Variants in OPHN1 observed in about 807,000 individuals in gnomAD.
OPHN1 encodes oligophrenin-1.
Under a neutral mutation model 60.7 loss-of-function variants are expected in OPHN1, and 11 were observed. The observed-to-expected ratio is 0.18, with a 90% CI of 0.11 to 0.30. OPHN1 has a LOEUF of 0.30. OPHN1 is among the 10% of genes least tolerant of loss of function. The probability of loss-of-function intolerance (pLI) is 1.00; values close to 1 mark genes in which losing one functional copy is unlikely to be tolerated. For missense variants in OPHN1, 449 were observed against 611.0 expected (o/e 0.73, Z 2.80); for synonymous variants, 226 against 222.6 (o/e 1.02, Z -0.14).
At chrX:68,160,325 A>G (rs928060211) in intron 15 of OPHN1, among the ~76,000 whole-genome samples, 4 of 111,534 alleles carry the variant, frequency 3.6e-5, no homozygotes, top group Admixed American at 9.6e-5. Context: ...TAATTCCACA[A>G]TAATAGTTGC....
chrX:68,221,461 G>A (rs1301588846), intron 6 of OPHN1, among the ~76,000 whole-genome samples: 8 of 67,761 alleles, frequency 1.2e-4, no homozygotes, highest in African/African-American at 1.0e-4. Flanking sequence ...AAAAGAGCCC[G>A]CATCGCCAAG....
intron 15 of OPHN1, among the ~76,000 whole-genome samples, chrX:68,135,966 T>G: frequency 9.0e-6 from 1 of 111,493 alleles, no homozygotes. Context: ...AATAAGAAAT[T>G]ACATACATAA....
intron 2 of OPHN1, among the ~76,000 whole-genome samples, chrX:68,347,058 A>G (rs985903673): frequency 9.0e-6 from 1 of 111,657 alleles, no homozygotes; most frequent in Non-Finnish European, 1.9e-5. Context: ...AAAGACACAT[A>G]TCCCAAGACT....
intron 6 of OPHN1, among the ~76,000 whole-genome samples, chrX:68,222,166 A>G (rs1181981249): frequency 9.1e-6 from 1 of 109,456 alleles, no homozygotes; most frequent in Non-Finnish European, 1.9e-5. Flanking sequence ...CAGCCAAAAA[A>G]CACATGAAAA....
intron 15 of OPHN1, among the ~76,000 whole-genome samples, chrX:68,136,744 A>C (rs1602182807): frequency 8.9e-6 from 1 of 112,155 alleles, no homozygotes; most frequent in South Asian, 3.7e-4. Context: ...AATAAGCAAA[A>C]ATTTACAAAG....
chrX:68,233,432 T>C (rs2077737774), intron 6 of OPHN1, among the ~76,000 whole-genome samples: 1 of 112,044 alleles, frequency 8.9e-6, no homozygotes, highest in African/African-American at 3.2e-5. Context: ...ACTGAATCTT[T>C]CATTGAACAT....
At chrX:68,338,001 C>T (rs1293234243) in intron 2 of OPHN1, among the ~76,000 whole-genome samples, 3 of 111,049 alleles carry the variant, frequency 2.7e-5, no homozygotes, top group Non-Finnish European at 5.7e-5. Flanking sequence ...AAGAATTCAA[C>T]GATTCACTTT....
In OPHN1 at chrX:68,261,760, AC is replaced by A. The variant is rs1411821820; in HGVS notation, c.384+12977del. Among the ~76,000 whole-genome samples, 3 of 111,767 alleles carry A rather than the reference AC, an allele frequency of 2.7e-5. No homozygotes were observed. The East Asian group carries it at 8.4e-4, about 31-fold the overall frequency. On this transcript the variant is annotated intron_variant, in intron 5 of 24. Coordinates refer to ENST00000355520, the MANE Select transcript of OPHN1 (RefSeq NM_002547.3). ...GCTCCAGAAATTAACTCTTACATTA[AC>A]CCAATATAAGATATGTCAAAATTCA...
intron 10 of OPHN1, among the ~76,000 whole-genome samples, chrX:68,204,667 G>C (rs2077550249): frequency 8.9e-6 from 1 of 111,781 alleles, no homozygotes; most frequent in Non-Finnish European, 1.9e-5. Flanking sequence ...TCTGCCTTGT[G>C]AGTAACTAAG....
intron 2 of OPHN1, among the ~76,000 whole-genome samples, chrX:68,411,629 T>C: frequency 8.9e-6 from 1 of 112,164 alleles, no homozygotes; most frequent in Middle Eastern, 4.6e-3. Context: ...TGTTTCCTGC[T>C]TGTTAATTTG....
At chrX:68,116,193 A>G (rs775405573) in intron 16 of OPHN1, among the ~76,000 whole-genome samples, 60 of 111,482 alleles carry the variant, frequency 5.4e-4, no homozygotes, top group Non-Finnish European at 1.0e-3. Flanking sequence ...CTAAAAGGGC[A>G]CCTGGCTCTT....
At chrX:68,216,716 G>T (rs1367213760) in intron 6 of OPHN1, among the ~76,000 whole-genome samples, 2 of 111,362 alleles carry the variant, frequency 1.8e-5, no homozygotes, top group African/African-American at 6.5e-5. Flanking sequence ...CAGAATGGGA[G>T]AAAATATTCA....
At position 68,045,458 on chromosome X, in the gene OPHN1, T is replaced by C. The variant is rs1195977129; in HGVS notation, c.*1714A>G. On this transcript the variant is annotated 3_prime_UTR_variant, in exon 25 of 25. Transcript: ENST00000355520. ...AGTGTGCATGTACTCACTCTCTATC[T>C]CTTTATCTAGGTTTATCTGTCAGTA... 8.9e-6 allele frequency: 1 copy of C among 112,155 alleles called. No individual in the cohort carries two copies. The highest frequency in any genetic ancestry group is 1.9e-5 in the Non-Finnish European group (1 of 53,286). The allele number at this position is 112,155 out of a possible 1,213,427, so 9.2% of individuals were successfully genotyped here.
chrX:68,314,494 C>T (rs2147649754), intron 2 of OPHN1, among the ~76,000 whole-genome samples: 1 of 109,218 alleles, frequency 9.2e-6, no homozygotes, highest in Admixed American at 9.8e-5. Context: ...GCACTCCAGC[C>T]TAGGCAACAA....
At chrX:68,114,101 A>C (rs1214882345) in intron 16 of OPHN1, among the ~76,000 whole-genome samples, 4 of 111,301 alleles carry the variant, frequency 3.6e-5, no homozygotes, top group Non-Finnish European at 7.5e-5. Context: ...AGTAGAAAAG[A>C]GCACCATACA....
intron 5 of OPHN1, among the ~76,000 whole-genome samples, chrX:68,235,118 T>C (rs73530483): frequency 0.016 from 1,774 of 111,878 alleles, 39 homozygotes; most frequent in African/African-American, 0.055. Flanking sequence ...AAAGCTGATA[T>C]TAAAAACAGA....
At chrX:68,298,875 C>G (rs1450273114) in intron 3 of OPHN1, 126 bp downstream of exon 3, 3 of 434,565 alleles carry the variant, frequency 6.9e-6, no homozygotes, top group Non-Finnish European at 1.3e-5. Context: ...ATCAACCTCC[C>G]AGGGCCTTGG....
intron 5 of OPHN1, among the ~76,000 whole-genome samples, chrX:68,251,733 T>A (rs763476265): frequency 1.9e-4 from 21 of 111,411 alleles, no homozygotes; most frequent in Non-Finnish European, 3.6e-4. Context: ...CAGTTAGGAC[T>A]CAAAACCAGA....
At chrX:68,189,059 T>C (rs939230912) in intron 15 of OPHN1, among the ~76,000 whole-genome samples, 1 of 112,293 alleles carries the variant, frequency 8.9e-6, no homozygotes, top group Non-Finnish European at 1.9e-5. Context: ...GCAGGTCCTC[T>C]TCTGTTTAGA....
Sources: allele counts gnomAD v4.1 joint callset (sites outside exome capture counted in the v4.1 genomes callset), GRCh38; gene constraint gnomAD v4.1.1; transcripts MANE v1.5; gene names NCBI Gene and HGNC (gene_info 2026-07-23, HGNC 2026-07-21).